Variants in TNRC6A observed in about 807,000 individuals in gnomAD.
The protein encoded by TNRC6A is trinucleotide repeat containing adaptor 6A, also known as trinucleotide repeat-containing gene 6A protein.
In TNRC6A, 44 loss-of-function variants were observed where a neutral mutation model predicts 221.2. The observed-to-expected ratio is 0.20, with a 90% CI of 0.16 to 0.26. TNRC6A has a LOEUF of 0.26. TNRC6A is among the 10% of genes least tolerant of loss of function. The probability of loss-of-function intolerance (pLI) is 1.00; values close to 1 mark genes in which losing one functional copy is unlikely to be tolerated. For synonymous variants in TNRC6A, 847 were observed against 838.5 expected (o/e 1.01, Z -0.18); for missense variants, 2,199 against 2,404.4 (o/e 0.91, Z 1.79).
chr16:24,794,095 A>G (rs752371740), intron 7 of TNRC6A, among the ~76,000 whole-genome samples: 13 of 152,226 alleles, frequency 8.5e-5, no homozygotes, highest in Non-Finnish European at 1.5e-4. Context: ...GCTGTGTACA[A>G]GATGCCCGGT....
Position 24,823,695 on chromosome 16 carries a change from C to G in TNRC6A, c.5777C>G (p.Thr1926Arg). ...TSLWGTPHYS[T>R]SLWGPPSSSD... ...CTCTGGGGGACCCCGCATTATTCCA[C>G]AAGCCTGTGGGGTCCCCCAAGCAGC... The change falls in exon 25 of 25, where the codon ACA becomes AGA. Residue 1926 changes from threonine to arginine, a missense_variant. Transcript: ENST00000395799. The surrounding 1 kb of genome is among the most constrained non-coding windows in gnomAD (Gnocchi z 4.3). The G allele has an allele frequency of 6.2e-7, 1 of 1,604,588 alleles. No individual in the cohort carries two copies. The highest frequency in any genetic ancestry group is 8.5e-7 in the Non-Finnish European group (1 of 1,174,110).
Position 24,790,646 on chromosome 16 carries a change from T to G in TNRC6A, c.2004T>G (p.Gly668=). Residue 668 remains glycine, a synonymous_variant, in exon 6 of 25, where the codon GGT becomes GGG. Coordinates refer to ENST00000395799, the MANE Select transcript of TNRC6A (RefSeq NM_014494.4). ...EQSSVWAKTG[G]TVESDGSTES... ...GCAGTGTGTGGGCCAAAACAGGAGG[T>G]ACAGTGGAGAGCGATGGTAGTACAG... is the stretch of plus-strand genomic sequence containing the variant. 1.9e-6 allele frequency: 3 copies of G among 1,613,814 alleles called. No homozygotes were observed. Among genetic ancestry groups the G allele is most frequent in the Non-Finnish European group, 2.5e-6 (3 of 1,179,964 alleles).
chr16:24,704,603 T>G (rs929188478), intron 2 of TNRC6A, among the ~76,000 whole-genome samples: 1 of 128,026 alleles, frequency 7.8e-6, no homozygotes, highest in African/African-American at 3.0e-5. Flanking sequence ...AGGTGGAGGT[T>G]ACAGTGAGCC....
At chr16:24,807,489 A>T (rs1474487232) in intron 17 of TNRC6A, among the ~76,000 whole-genome samples, 1 of 152,214 alleles carries the variant, frequency 6.6e-6, no homozygotes, top group Non-Finnish European at 1.5e-5. Flanking sequence ...TGTTTTGGTG[A>T]AACAGCTGGG....
At chr16:24,800,301 C>T (rs1218723790) in intron 11 of TNRC6A, among the ~76,000 whole-genome samples, 3 of 152,192 alleles carry the variant, frequency 2.0e-5, no homozygotes, top group African/African-American at 4.8e-5. Flanking sequence ...CATCCTCCTA[C>T]GACAGATGCC....
chr16:24,794,794 G>T, intron 8 of TNRC6A, 75 bp downstream of exon 8: 1 of 1,458,210 alleles, frequency 6.9e-7, no homozygotes, highest in South Asian at 1.4e-5. Context: ...TTAACTTTTC[G>T]CCTGCCCATT....
intron 2 of TNRC6A, among the ~76,000 whole-genome samples, chr16:24,677,979 G>A (rs779543175): frequency 2.0e-5 from 3 of 152,022 alleles, no homozygotes; most frequent in Non-Finnish European, 4.4e-5. Context: ...TCCCCATGAC[G>A]TGAGTGTGGG....
intron 18 of TNRC6A, among the ~76,000 whole-genome samples, chr16:24,810,585 C>T (rs1265088228): frequency 6.6e-6 from 1 of 152,078 alleles, no homozygotes; most frequent in African/African-American, 2.4e-5. Flanking sequence ...AGTAAGTTTA[C>T]CACACAAACA....
chr16:24,640,690 C>T (rs1901902105), intron 1 of TNRC6A, among the ~76,000 whole-genome samples: 1 of 148,394 alleles, frequency 6.7e-6, no homozygotes, highest in African/African-American at 2.5e-5. Flanking sequence ...GATCAAGCCA[C>T]TGCACTCTGG....
intron 2 of TNRC6A, among the ~76,000 whole-genome samples, chr16:24,685,404 T>G (rs927802286): frequency 6.6e-6 from 1 of 152,156 alleles, no homozygotes; most frequent in African/African-American, 2.4e-5. Context: ...TGGCACCATC[T>G]TGGCTCACTG....
intron 4 of TNRC6A, among the ~76,000 whole-genome samples, chr16:24,771,681 T>C (rs1350037654): frequency 6.6e-6 from 1 of 152,032 alleles, no homozygotes; most frequent in African/African-American, 2.4e-5. Flanking sequence ...ACTTTTTGGC[T>C]CAAGCGATCC....
At chr16:24,635,581 C>T (rs13331755) in intron 1 of TNRC6A, among the ~76,000 whole-genome samples, 67,527 of 152,038 alleles carry the variant, frequency 0.44, 15,303 homozygotes, top group Middle Eastern at 0.54. Context: ...CCACACCTGG[C>T]CAGATTCTGC....
intron 4 of TNRC6A, among the ~76,000 whole-genome samples, chr16:24,773,150 T>C (rs1230988907): frequency 6.6e-6 from 1 of 152,212 alleles, no homozygotes; most frequent in African/African-American, 2.4e-5. Flanking sequence ...TACTTTAGTA[T>C]GTGCGGGTGT....
rs773972950 is a variant in TNRC6A at position 24,791,774 on chromosome 16, G to A, written c.3132G>A (p.Thr1044=). ...AAGCACAGGTACATCAGCTGCTAAC[G>A]CCTGCAAGTGCCATCTCAAACAAAG... ...DQQAQVHQLL[T]PASAISNKEA... Residue 1044 remains threonine (T), a synonymous_variant, in exon 6 of 25, where the codon ACG becomes ACA. Transcript: ENST00000395799. The A allele has an allele frequency of 8.2e-6, 13 of 1,577,868 alleles. No individual in the cohort carries two copies. The South Asian group carries it at 9.5e-5, about 11-fold the overall frequency.
intron 2 of TNRC6A, among the ~76,000 whole-genome samples, chr16:24,708,260 A>G (rs1258591406): frequency 1.8e-4 from 22 of 121,780 alleles, no homozygotes; most frequent in African/African-American, 7.2e-4. Context: ...TTTTTTTTTG[A>G]GACGGAGTCT....
intron 2 of TNRC6A, chr16:24,662,196 T>A (rs894318364): frequency 1.3e-5 from 2 of 152,150 alleles, no homozygotes; most frequent in East Asian, 3.8e-4. Context: ...ATGCCTATAG[T>A]CTCAGCACCT....
chr16:24,673,427 G>C (rs74707676), intron 2 of TNRC6A, among the ~76,000 whole-genome samples: 5 of 152,144 alleles, frequency 3.3e-5, no homozygotes, highest in African/African-American at 1.2e-4. Flanking sequence ...GCTCACCGAG[G>C]GATGCCTGTA....
rs1017386230 is a variant in TNRC6A, at chr16:24,823,491, G to A, written c.5573G>A (p.Arg1858His). The change falls in exon 25 of 25, where the codon CGT (arginine) becomes CAT (histidine). Residue 1858 changes from arginine (R) to histidine (H), a missense_variant. Arg to His is a conservative substitution (Grantham distance 29). Coordinates refer to ENST00000395799, the MANE Select transcript of TNRC6A (RefSeq NM_014494.4). The surrounding 1 kb of genome is among the most constrained non-coding windows in gnomAD (Gnocchi z 4.3). ...TTTGCCAGTGAAGAGGAGATCAGTC[G>A]TTTCTTTGCACAAAGCCAGTCTCTG... ...AEFASEEEISRFFAQSQSLTP... is the reference protein window; with the variant it reads ...AEFASEEEISHFFAQSQSLTP... 2.5e-5 allele frequency: 40 copies of A among 1,614,098 alleles called. No homozygotes were observed. The highest frequency in any genetic ancestry group is 3.2e-5 in the Non-Finnish European group (38 of 1,180,016).
At chr16:24,664,243 A>G (rs1206110891) in intron 2 of TNRC6A, among the ~76,000 whole-genome samples, 1 of 151,912 alleles carries the variant, frequency 6.6e-6, no homozygotes, top group Admixed American at 6.6e-5. Context: ...GAGGCAGGAG[A>G]ATCGTTGCAC....
Sources: allele counts gnomAD v4.1 joint callset (sites outside exome capture counted in the v4.1 genomes callset), GRCh38; gene constraint gnomAD v4.1.1; non-coding constraint Gnocchi (gnomAD v3.1); transcripts MANE v1.5; gene names NCBI Gene and HGNC (gene_info 2026-07-23, HGNC 2026-07-21).